ADAM11: variants seen among roughly 807,000 people sequenced by gnomAD.
ADAM11 encodes ADAM metallopeptidase domain 11, also known as disintegrin and metalloproteinase domain-containing protein 11.
Under a neutral mutation model 119.1 loss-of-function variants are expected in ADAM11, and 49 were observed. The ratio of observed to expected loss-of-function variants is 0.41; its 90% CI spans 0.33 to 0.52. The LOEUF is 0.52. ADAM11 is among the 20% of genes least tolerant of loss of function. The probability of loss-of-function intolerance (pLI) is 0.20; values close to 1 mark genes in which losing one functional copy is unlikely to be tolerated. For synonymous variants in ADAM11, 364 were observed against 408.0 expected (o/e 0.89, Z 1.30); for missense variants, 777 against 1,047.5 (o/e 0.74, Z 3.56).
intron 2 of ADAM11, among the ~76,000 whole-genome samples, chr17:44,764,281 G>A (rs1030852902): frequency 6.6e-6 from 1 of 152,222 alleles, no homozygotes; most frequent in Non-Finnish European, 1.5e-5. Flanking sequence ...TCCACGGTGG[G>A]TGTGTGCTGC....
At chr17:44,763,721 C>CTT (rs879511711) in intron 2 of ADAM11, among the ~76,000 whole-genome samples, 19 of 144,248 alleles carry the variant, frequency 1.3e-4, no homozygotes, top group African/African-American at 4.6e-4. Context: ...TGTTTTCTTT[C>CTT]TTTTTTTTTT....
chr17:44,775,150 T>G lies in ADAM11; in HGVS notation c.1221-62T>G. On this transcript the variant is annotated intron_variant, in intron 14 of 26. Coordinates refer to ENST00000200557, the MANE Select transcript of ADAM11 (RefSeq NM_002390.6). The surrounding 1 kb of genome is among the most constrained non-coding windows in gnomAD (Gnocchi z 7.5). ...CCCCAGTGTACCCCCTCCCCAGCCTTGAGAGGGGTGAGGGTGGGTTGGAGG... is the reference window on the plus strand; with the variant it reads ...CCCCAGTGTACCCCCTCCCCAGCCTGGAGAGGGGTGAGGGTGGGTTGGAGG... The G allele has an allele frequency of 1.4e-6, 2 of 1,381,074 alleles. No homozygotes were observed. The highest frequency in any genetic ancestry group is 2.1e-6 in the Non-Finnish European group (2 of 974,190). The allele number at this position is 1,381,074 out of a possible 1,614,324, so 85.6% of individuals were successfully genotyped here.
Position 44,774,599 on chromosome 17 carries a change from G to A in ADAM11, c.1168+17G>A, listed in dbSNP as rs748755259. 5 of 1,609,688 alleles carry A rather than the reference G, an allele frequency of 3.1e-6. No homozygotes were observed. The highest frequency in any genetic ancestry group is 1.3e-5 in the African/African-American group (1 of 74,868). ...GCTCGGCAGGTATCCTCCCCCAGAG[G>A]CCCCCGTGTGGCCCACGCCCAGCAG... is the stretch of plus-strand genomic sequence containing the variant. On this transcript the variant is annotated intron_variant, in intron 13 of 26. Coordinates refer to ENST00000200557, the MANE Select transcript of ADAM11 (RefSeq NM_002390.6).
rs769551370 is a variant in ADAM11 at position 44,777,613 on chromosome 17, G to T, written c.1901+12G>T. 1.2e-6 allele frequency: 2 copies of T among 1,613,996 alleles called. No individual in the cohort carries two copies. Among genetic ancestry groups the T allele is most frequent in the African/African-American group, 2.7e-5 (2 of 74,916 alleles). The stretch of plus-strand genomic sequence containing the variant: ...GAGCTGGACTGCAGGTGCTGGCCAG[G>T]ACCAAGACTAGGGAGGGGAGGTTGC... On this transcript the variant is annotated intron_variant, in intron 22 of 26. Coordinates refer to ENST00000200557, the MANE Select transcript of ADAM11 (RefSeq NM_002390.6). The surrounding 1 kb of genome is among the most constrained non-coding windows in gnomAD (Gnocchi z 5.1).
intron 26 of ADAM11, 167 bp downstream of exon 26, chr17:44,779,406 G>A (rs2049660463): frequency 2.0e-6 from 2 of 985,226 alleles, no homozygotes; most frequent in Non-Finnish European, 2.4e-6. Flanking sequence ...GGAGAGCCTC[G>A]CTCAGGGAAG....
At chr17:44,774,442 G>T (rs764005070) in intron 12 of ADAM11, 50 bp from the exon 13 acceptor site, 1 of 1,596,386 alleles carries the variant, frequency 6.3e-7, no homozygotes, top group African/African-American at 1.3e-5. Context: ...GGGGCACGAC[G>T]TGCCTGTTGG....
intron 2 of ADAM11, 98 bp downstream of exon 2, chr17:44,759,995 G>T: frequency 8.6e-7 from 1 of 1,158,474 alleles, no homozygotes; most frequent in Non-Finnish European, 1.1e-6. Context: ...CTCAGCAGCT[G>T]CCCCGCAGGG....
intron 2 of ADAM11, among the ~76,000 whole-genome samples, chr17:44,766,188 G>A (rs578062968): frequency 1.5e-4 from 23 of 152,316 alleles, no homozygotes; most frequent in Admixed American, 9.8e-4. Flanking sequence ...GTGCAGATGA[G>A]GGTGGGGAGG....
rs746997016 is a variant in ADAM11 at position 44,779,801 on chromosome 17, G to T, written c.*47G>T. ...GCCTGGCACCCACCGTCTCGGCCCT[G>T]AACCACGAGGCTGCCCCCATCCAGC... On this transcript the variant is annotated 3_prime_UTR_variant, in exon 27 of 27. Transcript: ENST00000200557. 1 of 1,609,664 alleles carries T rather than the reference G, an allele frequency of 6.2e-7. No homozygotes were observed. The highest frequency in any genetic ancestry group is 8.5e-7 in the Non-Finnish European group (1 of 1,176,804).
At chr17:44,760,747 G>C (rs1422908285) in intron 2 of ADAM11, among the ~76,000 whole-genome samples, 1 of 152,104 alleles carries the variant, frequency 6.6e-6, no homozygotes, top group Non-Finnish European at 1.5e-5. Flanking sequence ...GCAGCGGGGA[G>C]TGGTGGGAGG....
chr17:44,778,282 AG>A, intron 25 of ADAM11, 40 bp downstream of exon 25: 1 of 1,570,770 alleles, frequency 6.4e-7, no homozygotes, highest in Non-Finnish European at 8.6e-7. Flanking sequence ...GGCATCCTTG[AG>A]GGGGGATCAG....
chr17:44,775,083 C>T lies in ADAM11; in HGVS notation c.1221-129C>T. The T allele has an allele frequency of 4.7e-6, 4 of 849,496 alleles. No individual in the cohort carries two copies. The highest frequency in any genetic ancestry group is 7.5e-6 in the Non-Finnish European group (4 of 530,200). The allele number at this position is 849,496 out of a possible 1,614,324, so 52.6% of individuals were successfully genotyped here. On this transcript the variant is annotated intron_variant, in intron 14 of 26. Coordinates refer to ENST00000200557, the MANE Select transcript of ADAM11 (RefSeq NM_002390.6). This position sits in a 1 kb window ranked among gnomAD's most constrained non-coding sequence, Gnocchi z 7.5. ...ACAGGCGGGAGGATTCTGGTGCAATCCCGGGGCAGATCCTCCGCCTCCTCG... is the reference window on the plus strand; with the variant it reads ...ACAGGCGGGAGGATTCTGGTGCAATTCCGGGGCAGATCCTCCGCCTCCTCG...
At chr17:44,774,642 G>A in intron 13 of ADAM11, 56 bp from the exon 14 acceptor site, 1 of 1,598,750 alleles carries the variant, frequency 6.3e-7, no homozygotes, top group Admixed American at 1.7e-5. Flanking sequence ...ACGGGAGGGT[G>A]ACAGTGGGAG....
In ADAM11 at chr17:44,759,594, C is replaced by T. The variant is rs2049364057; in HGVS notation, c.62-128C>T. The T allele has an allele frequency of 3.8e-6, 5 of 1,301,772 alleles. No homozygotes were observed. The South Asian group carries it at 9.6e-5, about 25-fold the overall frequency. The allele number at this position is 1,301,772 out of a possible 1,614,324, so 80.6% of individuals were successfully genotyped here. A position where few individuals can be genotyped will look rare whatever the true frequency, so the allele number is the denominator to read the frequency against. On this transcript the variant is annotated intron_variant, in intron 1 of 26. Transcript: ENST00000200557. ...CTTGCCTCTGCAGGGCAGCCAGATCCTCCCACCCGGATCGCCCTAGGGCTC... is the reference window on the plus strand; with the variant it reads ...CTTGCCTCTGCAGGGCAGCCAGATCTTCCCACCCGGATCGCCCTAGGGCTC...
rs4793151 is a variant in ADAM11, at chr17:44,776,326, C to T, written c.1566+119C>T. The T allele has an allele frequency of 0.46, 481,982 of 1,054,962 alleles. 115,049 individuals carry two copies. Among genetic ancestry groups the T allele is most frequent in the East Asian group, 0.75 (31,288 of 41,616 alleles). 65.4% of individuals were successfully genotyped at this position (1,054,962 alleles called of 1,614,324 possible). ...TCCTCTCCACAGCTGGCATCGACCT[C>T]CACTGATCAGACTGTTTTCTTATCT... On this transcript the variant is annotated intron_variant, in intron 18 of 26. Coordinates refer to ENST00000200557, the MANE Select transcript of ADAM11 (RefSeq NM_002390.6). This position sits in a 1 kb window ranked among gnomAD's most constrained non-coding sequence, Gnocchi z 5.2.
rs1449365226 is a variant in ADAM11 at position 44,772,202 on chromosome 17, C to A, written c.544-65C>A. The A allele has an allele frequency of 6.8e-7, 1 of 1,473,598 alleles. No individual in the cohort carries two copies. The highest frequency in any genetic ancestry group is 9.3e-7 in the Non-Finnish European group (1 of 1,074,890). 91.3% of individuals were successfully genotyped at this position (1,473,598 alleles called of 1,614,324 possible). A position where few individuals can be genotyped will look rare whatever the true frequency, so the allele number is the denominator to read the frequency against. ...GGTGGAGGCGAGGGCTGGATCTGGC[C>A]CCCGCCAAGTGGGCCTGGAGCAGGC... On this transcript the variant is annotated intron_variant, in intron 6 of 26. Coordinates refer to ENST00000200557, the MANE Select transcript of ADAM11 (RefSeq NM_002390.6). The surrounding 1 kb of genome is among the most constrained non-coding windows in gnomAD (Gnocchi z 4.5).
In ADAM11 at chr17:44,777,192, A is replaced by C. The variant is rs1181091970; in HGVS notation, c.1708A>C (p.Lys570Gln). The change falls in exon 21 of 27, where the codon AAG becomes CAG. Residue 570 changes from lysine to glutamine, a missense_variant. Lys to Gln is a moderately conservative substitution (Grantham distance 53, BLOSUM62 1). This residue lies in a region of ADAM11 where 348 missense variants were observed against 486.7 expected (regional missense o/e 0.72). Coordinates refer to ENST00000200557, the MANE Select transcript of ADAM11 (RefSeq NM_002390.6). This position sits in a 1 kb window ranked among gnomAD's most constrained non-coding sequence, Gnocchi z 5.1. ...HAAADRFCYE[K>Q]LNVEGTERGS... ...GGCTGCTGATCGCTTCTGCTACGAG[A>C]AGCTGAATGTGGAGGGGACGGAGCG... 1.2e-6 allele frequency: 2 copies of C among 1,608,524 alleles called. No individual in the cohort carries two copies. The highest frequency in any genetic ancestry group is 3.3e-5 in the Admixed American group (2 of 59,770).
At position 44,777,568 on chromosome 17, in the gene ADAM11, CCTT is replaced by C; in HGVS notation, c.1871_1873del (p.Phe624del). The C allele has an allele frequency of 6.2e-7, 1 of 1,614,168 alleles. No homozygotes were observed. The highest frequency in any genetic ancestry group is 8.5e-7 in the Non-Finnish European group (1 of 1,180,028). On this transcript the variant is annotated inframe_deletion, in exon 22 of 27. Transcript: ENST00000200557. The surrounding 1 kb of genome is among the most constrained non-coding windows in gnomAD (Gnocchi z 5.1). ...CTGGTGGGAGACATCAGTAGTGTCA[CCTT>C]CTACCACCAGGGCAAGGAGCTGGAC...
chr17:44,769,908 C>G (rs2049497778), intron 3 of ADAM11, 74 bp from the exon 4 acceptor site: 3 of 1,608,548 alleles, frequency 1.9e-6, no homozygotes, highest in African/African-American at 1.3e-5. Flanking sequence ...GACCTGGGTC[C>G]TGACCTGAGG....
Sources: gnomAD v4.1 joint callset for allele counts (sites outside exome capture counted in the v4.1 genomes callset) on GRCh38, gnomAD v4.1.1 for gene constraint, gnomAD v4.1.1 regional missense constraint, Gnocchi (gnomAD v3.1) non-coding constraint, MANE v1.5 for transcripts, NCBI Gene and HGNC (gene_info 2026-07-23, HGNC 2026-07-21) for gene names.